The following CLOCK variants were observed in gnomAD, a reference collection of about 807,000 sequenced individuals.
CLOCK encodes the protein clock circadian regulator, also known as circadian locomoter output cycles protein kaput.
CLOCK carries 43 observed loss-of-function variants against 118.4 expected under a neutral mutation model. The observed-to-expected ratio is 0.36, with a 90% CI of 0.28 to 0.47. The LOEUF (loss-of-function observed/expected upper bound fraction) is 0.47, where lower values mean the gene tolerates loss of function less well. Among genes scored for constraint, CLOCK ranks in the 20% least tolerant of loss-of-function variants. The pLI, the probability that CLOCK is intolerant of heterozygous loss-of-function variation, is 1.00. For missense variants in CLOCK, 846 were observed against 999.9 expected (o/e 0.85, Z 2.08); for synonymous variants, 326 against 339.2 (o/e 0.96, Z 0.43).
intron 1 of CLOCK, among the ~76,000 whole-genome samples, chr4:55,524,268 G>A (rs1342624515): frequency 1.3e-5 from 2 of 151,936 alleles, no homozygotes; most frequent in Admixed American, 6.6e-5. Flanking sequence ...TGAGCATGGT[G>A]GCACCAGCCT....
chr4:55,512,939 T>C (rs1729258969), intron 1 of CLOCK, among the ~76,000 whole-genome samples: 1 of 152,206 alleles, frequency 6.6e-6, no homozygotes, highest in African/African-American at 2.4e-5. Flanking sequence ...AATTATAATA[T>C]GGAGCTGAAA....
At chr4:55,478,017 T>C (rs1206676101) in intron 6 of CLOCK, among the ~76,000 whole-genome samples, 16 of 152,048 alleles carry the variant, frequency 1.1e-4, no homozygotes, top group Admixed American at 8.5e-4. Flanking sequence ...TGGTGGAGCA[T>C]AAACCAGTCC....
chr4:55,517,770 T>A (rs1487351688), intron 1 of CLOCK, among the ~76,000 whole-genome samples: 4 of 152,100 alleles, frequency 2.6e-5, no homozygotes, highest in African/African-American at 9.7e-5. Flanking sequence ...ACAAAATCAA[T>A]TTGCTTAATG....
At chr4:55,462,463 G>A (rs905437399) in intron 9 of CLOCK, among the ~76,000 whole-genome samples, 13 of 152,156 alleles carry the variant, frequency 8.5e-5, no homozygotes, top group Non-Finnish European at 1.5e-4. Flanking sequence ...ATTTTTGGTA[G>A]AGATGGGGTT....
intron 1 of CLOCK, among the ~76,000 whole-genome samples, chr4:55,546,318 G>A (rs865886343): frequency 2.0e-5 from 3 of 152,064 alleles, no homozygotes; most frequent in Non-Finnish European, 2.9e-5. Flanking sequence ...CTGCCCCAGA[G>A]GGCCTCTCAG....
At chr4:55,497,148 T>C (rs1254805039) in intron 2 of CLOCK, among the ~76,000 whole-genome samples, 1 of 152,172 alleles carries the variant, frequency 6.6e-6, no homozygotes, top group Non-Finnish European at 1.5e-5. Flanking sequence ...AACCGAGGTG[T>C]TGGCAGGGCT....
chr4:55,534,726 A>T (rs1186902257), intron 1 of CLOCK, among the ~76,000 whole-genome samples: 1 of 151,996 alleles, frequency 6.6e-6, no homozygotes, highest in African/African-American at 2.4e-5. Flanking sequence ...TTGCTGAATG[A>T]ACAAGATGAA....
intron 4 of CLOCK, among the ~76,000 whole-genome samples, chr4:55,481,304 T>G (rs1726920603): frequency 6.6e-6 from 1 of 152,186 alleles, no homozygotes; most frequent in Admixed American, 6.5e-5. Flanking sequence ...GTATATGAAT[T>G]TTCCGAGAAC....
chr4:55,439,616 C>G (rs1461833836), intron 21 of CLOCK, among the ~76,000 whole-genome samples: 1 of 152,176 alleles, frequency 6.6e-6, no homozygotes, highest in Admixed American at 6.5e-5. Flanking sequence ...TAACCCAAGA[C>G]TCCATTGACA....
At position 55,531,140 on chromosome 4, in the gene CLOCK, G is replaced by T. The variant is rs148615555; in HGVS notation, c.-290+15642C>A. On this transcript the variant is annotated intron_variant, in intron 1 of 22. Transcript: ENST00000513440. The stretch of plus-strand genomic sequence containing the variant: ...ATCTAGAATATAAAGCAATCTAGCG[G>T]CATGATTTCGAAAAAATGATGAAGT... Among the ~76,000 whole-genome samples, 4 of 152,150 alleles carry T rather than the reference G, an allele frequency of 2.6e-5. No individual in the cohort carries two copies. In the East Asian group the frequency reaches 7.7e-4, roughly 29 times the overall value.
intron 14 of CLOCK, 80 bp downstream of exon 14, chr4:55,453,597 A>G: frequency 1.6e-6 from 2 of 1,228,914 alleles, no homozygotes; most frequent in Admixed American, 1.8e-5. Flanking sequence ...GCTCTTTAAC[A>G]ACTTACGCAT....
At chr4:55,452,879 G>C (rs1359717944) in intron 15 of CLOCK, 175 bp downstream of exon 15, 3 of 508,028 alleles carry the variant, frequency 5.9e-6, no homozygotes, top group African/African-American at 1.9e-5. Flanking sequence ...TCTTTTTAGA[G>C]GCAGGTGAGA....
Position 55,478,882 on chromosome 4 carries a change from A to C in CLOCK, c.189T>G (p.Gly63=). ...LIKELGSMLP[G]NARKMDKSTV... ...TAGATTTGTCCATCTTTCTAGCATTACCAGGAAGCATGGATCCCAGTTCTT... is the reference window on the plus strand; with the variant it reads ...TAGATTTGTCCATCTTTCTAGCATTCCCAGGAAGCATGGATCCCAGTTCTT... Residue 63 remains glycine, a synonymous_variant, in exon 6 of 23, where the codon GGT becomes GGG. Coordinates refer to ENST00000513440, the MANE Select transcript of CLOCK (RefSeq NM_004898.4). 1 of 1,612,164 alleles carries C rather than the reference A, an allele frequency of 6.2e-7. No homozygotes were observed. The highest frequency in any genetic ancestry group is 8.5e-7 in the Non-Finnish European group (1 of 1,178,770).
chr4:55,455,566 C>A (rs1332256972), intron 13 of CLOCK, among the ~76,000 whole-genome samples: 1 of 152,048 alleles, frequency 6.6e-6, no homozygotes, highest in East Asian at 1.9e-4. Flanking sequence ...GCCTCAAAAT[C>A]AAAATTTAGG....
In CLOCK at chr4:55,449,337, G is replaced by A. The variant is rs572627578; in HGVS notation, c.1449+59C>T. 15 of 1,423,252 alleles carry A rather than the reference G, an allele frequency of 1.1e-5. No homozygotes were observed. The African/African-American group carries it at 1.5e-4, about 15-fold the overall frequency. The allele number at this position is 1,423,252 out of a possible 1,614,324, so 88.2% of individuals were successfully genotyped here. ...AAATAGATGAATTTCTGAAGATTTA[G>A]ATCATTTTTCCCCTCTTAATAAATC... is the stretch of plus-strand genomic sequence containing the variant. On this transcript the variant is annotated intron_variant, in intron 17 of 22. Coordinates refer to ENST00000513440, the MANE Select transcript of CLOCK (RefSeq NM_004898.4).
intron 1 of CLOCK, among the ~76,000 whole-genome samples, chr4:55,517,100 T>C (rs1729563789): frequency 6.6e-6 from 1 of 152,210 alleles, no homozygotes; most frequent in South Asian, 2.1e-4. Flanking sequence ...GGACAAACCA[T>C]CAGTTAAAAA....
intron 1 of CLOCK, among the ~76,000 whole-genome samples, chr4:55,526,680 G>T (rs1359866409): frequency 6.6e-6 from 1 of 152,064 alleles, no homozygotes; most frequent in African/African-American, 2.4e-5. Flanking sequence ...CGGGCACGGT[G>T]GCTCACGCCT....
At chr4:55,520,482 G>A (rs567540531) in intron 1 of CLOCK, among the ~76,000 whole-genome samples, 6 of 152,156 alleles carry the variant, frequency 3.9e-5, no homozygotes, top group Non-Finnish European at 8.8e-5. Context: ...TGCTTTTGTA[G>A]TATGAACTAC....
chr4:55,437,809 C>T (rs1723007374), intron 22 of CLOCK, among the ~76,000 whole-genome samples: 1 of 152,190 alleles, frequency 6.6e-6, no homozygotes, highest in Admixed American at 6.5e-5. Context: ...AGATATACTA[C>T]ACCTCCATGG....
Sources: allele counts gnomAD v4.1 joint callset (sites outside exome capture counted in the v4.1 genomes callset), GRCh38; gene constraint gnomAD v4.1.1; transcripts MANE v1.5; gene names NCBI Gene and HGNC (gene_info 2026-07-23, HGNC 2026-07-21).